ADAM23: variants seen among roughly 807,000 people sequenced by gnomAD.
The protein encoded by ADAM23 is disintegrin and metalloproteinase domain-containing protein 23.
ADAM23 carries 33 observed loss-of-function variants against 120.1 expected under a neutral mutation model. The ratio of observed to expected loss-of-function variants is 0.27; its 90% confidence interval spans 0.21 to 0.37. The LOEUF (loss-of-function observed/expected upper bound fraction) is 0.37, where lower values mean the gene tolerates loss of function less well. Ranked by LOEUF, ADAM23 falls within the 10% of genes least tolerant of loss-of-function variation. The pLI is 1.00. For missense variants in ADAM23, 862 were observed against 1,058.2 expected (o/e 0.81, Z 2.57); for synonymous variants, 367 against 375.2 (o/e 0.98, Z 0.25).
intron 20 of ADAM23, among the ~76,000 whole-genome samples, chr2:206,588,958 G>A (rs1698376950): frequency 6.6e-6 from 1 of 152,130 alleles, no homozygotes; most frequent in African/African-American, 2.4e-5. Context: ...AAACTCAGGT[G>A]CCAACATAAA....
intron 3 of ADAM23, among the ~76,000 whole-genome samples, chr2:206,518,719 C>A (rs1696782735): frequency 6.6e-6 from 1 of 152,048 alleles, no homozygotes; most frequent in Non-Finnish European, 1.5e-5. Context: ...TATCACTTTA[C>A]ATCTTGGTAA....
intron 3 of ADAM23, among the ~76,000 whole-genome samples, chr2:206,483,994 T>C (rs1695951840): frequency 2.0e-5 from 3 of 151,884 alleles, no homozygotes; most frequent in Admixed American, 2.0e-4. Context: ...ACAGAGCAAG[T>C]TTGGTGGACT....
At chr2:206,477,875 TCTGTTAAAAAAAAAAAAAAA>T (rs1302927396) in intron 2 of ADAM23, among the ~76,000 whole-genome samples, 2 of 52,552 alleles carry the variant, frequency 3.8e-5, no homozygotes, top group African/African-American at 1.5e-4. Context: ...AAGCCAATAT[TCTGTTAAAAAAAAAAAAAAA>T]AAATATATAT....
At chr2:206,555,367 C>T (rs755075771) in intron 9 of ADAM23, among the ~76,000 whole-genome samples, 5 of 152,182 alleles carry the variant, frequency 3.3e-5, no homozygotes, top group Admixed American at 1.3e-4. Flanking sequence ...TCACCTTCCA[C>T]ATCCTATACA....
rs1285563106 is a variant in ADAM23 at position 206,444,014 on chromosome 2, C to T, written c.148C>T (p.Leu50Phe). The T allele has an allele frequency of 7.1e-7, 1 of 1,410,988 alleles. No homozygotes were observed. Among genetic ancestry groups the T allele is most frequent in the Admixed American group, 2.5e-5 (1 of 40,270 alleles). The allele number at this position is 1,410,988 out of a possible 1,614,324, so 87.4% of individuals were successfully genotyped here. A position where few individuals can be genotyped will look rare whatever the true frequency, so the allele number is the denominator to read the frequency against. Reference sequence around the variant, plus strand: ...GCCGCCCTGCCGCCTGCTTCTCGTCCTTCTCCTGCTGCCTCCGCTCGCCGC... The same window carrying T: ...GCCGCCCTGCCGCCTGCTTCTCGTCTTTCTCCTGCTGCCTCCGCTCGCCGC... ...RTPPCRLLLV[L>F]LLLPPLAASS... Residue 50 changes from leucine (L) to phenylalanine (F), a missense_variant, in exon 1 of 26, where the codon CTT becomes TTT. Physicochemically the swap from Leu to Phe is conservative, Grantham distance 22. Transcript: ENST00000264377.
At chr2:206,598,362 C>A (rs1698569753) in intron 24 of ADAM23, among the ~76,000 whole-genome samples, 2 of 152,090 alleles carry the variant, frequency 1.3e-5, no homozygotes, top group Non-Finnish European at 2.9e-5. Flanking sequence ...TATCTATTCC[C>A]TGTTCCTTCA....
At chr2:206,516,324 GT>G (rs34334075) in intron 3 of ADAM23, among the ~76,000 whole-genome samples, 3 of 151,496 alleles carry the variant, frequency 2.0e-5, no homozygotes, top group Non-Finnish European at 2.9e-5. Flanking sequence ...ATGTAAATGC[GT>G]TTTTTTTCTA....
intron 24 of ADAM23, 53 bp from the exon 25 acceptor site, chr2:206,609,857 G>C (rs893161993): frequency 1.4e-5 from 21 of 1,470,616 alleles, no homozygotes; most frequent in Non-Finnish European, 1.8e-5. Context: ...TTCCCTTGTG[G>C]TAACGAAAGT....
chr2:206,505,520 A>G (rs755017900), intron 3 of ADAM23, among the ~76,000 whole-genome samples: 5 of 152,166 alleles, frequency 3.3e-5, no homozygotes, highest in Non-Finnish European at 5.9e-5. Context: ...TTACAGTCAT[A>G]GCGGAAGGTG....
intron 3 of ADAM23, among the ~76,000 whole-genome samples, chr2:206,516,478 C>CTA (rs1696733309): frequency 6.6e-6 from 1 of 152,038 alleles, no homozygotes. Context: ...GCTAGGAAGT[C>CTA]TAAGATCAAG....
At chr2:206,550,641 G>A (rs1434340596) in intron 9 of ADAM23, among the ~76,000 whole-genome samples, 3 of 138,804 alleles carry the variant, frequency 2.2e-5, no homozygotes. Flanking sequence ...TCGCTCTGTC[G>A]CCCAGCCTGG....
At chr2:206,536,676 A>C (rs1697183055) in intron 4 of ADAM23, among the ~76,000 whole-genome samples, 1 of 152,166 alleles carries the variant, frequency 6.6e-6, no homozygotes, top group Non-Finnish European at 1.5e-5. Flanking sequence ...CACTATGTAT[A>C]TCAAAATATC....
chr2:206,486,727 C>T (rs1234232080), intron 3 of ADAM23, among the ~76,000 whole-genome samples: 1 of 152,122 alleles, frequency 6.6e-6, no homozygotes, highest in Admixed American at 6.6e-5. Context: ...ACCACCTCCA[C>T]CACGACCGTC....
At chr2:206,546,810 C>T (rs1229707772) in intron 6 of ADAM23, among the ~76,000 whole-genome samples, 1 of 152,070 alleles carries the variant, frequency 6.6e-6, no homozygotes, top group African/African-American at 2.4e-5. Context: ...TGTACATTAA[C>T]AGTACCTGAT....
At chr2:206,451,231 G>A (rs1695187840) in intron 2 of ADAM23, among the ~76,000 whole-genome samples, 1 of 152,192 alleles carries the variant, frequency 6.6e-6, no homozygotes, top group Non-Finnish European at 1.5e-5. Flanking sequence ...AGTGCAAGAA[G>A]GGGAAACTCA....
chr2:206,614,494 A>C lies in ADAM23; in HGVS notation c.2451-3085A>C, dbSNP rs1698896915. On this transcript the variant is annotated intron_variant, in intron 25 of 25. Transcript: ENST00000264377. ...ACATGGTGAAACCCTGTCTCTACTAAAAATACAAAAATTAACCGGGCATGG... is the reference window on the plus strand; with the variant it reads ...ACATGGTGAAACCCTGTCTCTACTACAAATACAAAAATTAACCGGGCATGG... Among the ~76,000 whole-genome samples the C allele has an allele frequency of 5.3e-5, 8 of 152,096 alleles. No homozygotes were observed. In the South Asian group the frequency reaches 1.7e-3, roughly 32 times the overall value.
intron 3 of ADAM23, among the ~76,000 whole-genome samples, chr2:206,498,329 C>T (rs1696304235): frequency 6.6e-6 from 1 of 152,034 alleles, no homozygotes; most frequent in African/African-American, 2.4e-5. Context: ...CAGAACAGAG[C>T]CCTCAGAAAT....
chr2:206,443,785 G>A lies in ADAM23; in HGVS notation c.-82G>A, dbSNP rs1695010140. 8 of 813,688 alleles carry A rather than the reference G, an allele frequency of 9.8e-6. No homozygotes were observed. Among genetic ancestry groups the A allele is most frequent in the Non-Finnish European group, 1.2e-5 (8 of 670,390 alleles). The allele number at this position is 813,688 out of a possible 1,614,324, so 50.4% of individuals were successfully genotyped here. The stretch of plus-strand genomic sequence containing the variant: ...GGCACCATGCGCGCCGAGCCGGCGT[G>A]ACCGGCTCCGCCCGCGGCCGCCCCG... On this transcript the variant is annotated 5_prime_UTR_variant, in exon 1 of 26. An upstream open reading frame in the 5' UTR loses its in-frame stop. Transcript: ENST00000264377.
chr2:206,559,856 C>G (rs927906230), intron 10 of ADAM23, 99 bp from the exon 11 acceptor site: 5 of 1,054,058 alleles, frequency 4.7e-6, no homozygotes, highest in Non-Finnish European at 5.4e-6. Context: ...CGTGTTCTCT[C>G]ACCTCCCCCT....
Sources: gnomAD v4.1 joint callset for allele counts (sites outside exome capture counted in the v4.1 genomes callset) on GRCh38, gnomAD v4.1.1 for gene constraint, MANE v1.5 for transcripts, NCBI Gene and HGNC (gene_info 2026-07-23, HGNC 2026-07-21) for gene names.